Variants in EPHA10 observed in about 807,000 individuals in gnomAD.
EPHA10 encodes ephrin type-A receptor 10.
Under a neutral mutation model 109.7 loss-of-function variants are expected in EPHA10, and 120 were observed. The observed-to-expected ratio is 1.09, with a 90% CI of 0.94 to 1.27. The LOEUF is 1.27. Among genes scored for constraint, EPHA10 ranks in the 50% most tolerant of loss-of-function variants. EPHA10 has a pLI of 0.00. For synonymous variants in EPHA10, 640 were observed against 618.9 expected (o/e 1.03, Z -0.51); for missense variants, 1,396 against 1,411.1 (o/e 0.99, Z 0.17).
rs1557524997 is a variant in EPHA10 at position 37,717,187 on chromosome 1, G to A, written c.*1185C>T. ...CCCACCATTCCCGGGGGCCCTTGTG[G>A]ATAAGGAACTCCACGGTGGGCTCAG... is the stretch of plus-strand genomic sequence containing the variant. On this transcript the variant is annotated 3_prime_UTR_variant, in exon 17 of 17. Transcript: ENST00000373048. 4.3e-6 allele frequency: 1 copy of A among 232,862 alleles called. No homozygotes were observed. The highest frequency in any genetic ancestry group is 8.5e-6 in the Non-Finnish European group (1 of 117,872). The allele number at this position is 232,862 out of a possible 1,614,324, so 14.4% of individuals were successfully genotyped here.
chr1:37,755,326 A>G (rs1196827361), intron 3 of EPHA10, among the ~76,000 whole-genome samples: 1 of 127,572 alleles, frequency 7.8e-6, no homozygotes, highest in African/African-American at 2.8e-5. Context: ...ACAAGCATAC[A>G]TGCACACACA....
Position 37,716,127 on chromosome 1 carries a change from GT to G in EPHA10, c.*2244del, listed in dbSNP as rs1427266967. ...CAGGCCACCTCTGTCCAGTGAACAA[GT>G]TCCATATAAAAATAGATCTGTAGAG... On this transcript the variant is annotated 3_prime_UTR_variant, in exon 17 of 17. Coordinates refer to ENST00000373048, the MANE Select transcript of EPHA10 (RefSeq NM_001099439.2). 2.3e-6 allele frequency: 1 copy of G among 436,156 alleles called. No homozygotes were observed. The highest frequency in any genetic ancestry group is 4.3e-6 in the Non-Finnish European group (1 of 230,758). 27.0% of individuals were successfully genotyped at this position (436,156 alleles called of 1,614,324 possible).
At position 37,762,189 on chromosome 1, in the gene EPHA10, C is replaced by T. The variant is rs549208743; in HGVS notation, c.172-106G>A. The T allele has an allele frequency of 1.1e-4, 117 of 1,090,302 alleles. 2 individuals are homozygous for T. In the South Asian group the frequency reaches 1.8e-3, roughly 17 times the overall value. The allele number at this position is 1,090,302 out of a possible 1,614,324, so 67.5% of individuals were successfully genotyped here. ...TCTCTCTCATGCACCATGCACACCC[C>T]GGAAATTGTAAGATGCAGCGCTGGG... is the stretch of plus-strand genomic sequence containing the variant. On this transcript the variant is annotated intron_variant, in intron 2 of 16. Coordinates refer to ENST00000373048, the MANE Select transcript of EPHA10 (RefSeq NM_001099439.2).
Position 37,753,184 on chromosome 1 carries a change from C to A in EPHA10, c.1049G>T (p.Arg350Leu). The A allele has an allele frequency of 7.2e-7, 1 of 1,385,686 alleles. No individual in the cohort carries two copies. The highest frequency in any genetic ancestry group is 1.6e-5 in the South Asian group (1 of 64,462). The allele number at this position is 1,385,686 out of a possible 1,614,324, so 85.8% of individuals were successfully genotyped here. ...APRDLQYSLS[R>L]SPLVLRLRWL... is the part of the protein sequence containing the mutation. ...GCGCAGTCGCAGCACCAGCGGCGAGCGGCTCAGGCTGTACTGCAGGTCCCG... is the reference window on the plus strand; with the variant it reads ...GCGCAGTCGCAGCACCAGCGGCGAGAGGCTCAGGCTGTACTGCAGGTCCCG... The change falls in exon 5 of 17, where the codon CGC (arginine) becomes CTC (leucine). Residue 350 changes from arginine (R) to leucine (L), a missense_variant. Coordinates refer to ENST00000373048, the MANE Select transcript of EPHA10 (RefSeq NM_001099439.2).
chr1:37,763,101 A>C (rs1335549516), intron 1 of EPHA10, among the ~76,000 whole-genome samples: 1 of 152,126 alleles, frequency 6.6e-6, no homozygotes, highest in African/African-American at 2.4e-5. Context: ...TATTACCACA[A>C]ATTTAGTGGC....
At chr1:37,740,495 C>G (rs7555645) in intron 5 of EPHA10, among the ~76,000 whole-genome samples, 1 of 151,938 alleles carries the variant, frequency 6.6e-6, no homozygotes, top group Non-Finnish European at 1.5e-5. Flanking sequence ...TTAGTAGAGA[C>G]GGGGTTTCAC....
At chr1:37,738,956 T>C (rs143814517) in intron 5 of EPHA10, among the ~76,000 whole-genome samples, 2 of 152,046 alleles carry the variant, frequency 1.3e-5, no homozygotes, top group African/African-American at 4.8e-5. Flanking sequence ...TACAATGAGA[T>C]CACTTGGACA....
chr1:37,735,468 C>G (rs1053693622), intron 5 of EPHA10, 78 bp from the exon 6 acceptor site: 1 of 1,497,024 alleles, frequency 6.7e-7, no homozygotes, highest in Admixed American at 2.1e-5. Context: ...GAGGGTGCGG[C>G]GTGCGGGGCT....
intron 5 of EPHA10, among the ~76,000 whole-genome samples, chr1:37,743,586 G>C (rs757995159): frequency 1.3e-5 from 2 of 152,190 alleles, no homozygotes; most frequent in African/African-American, 4.8e-5. Flanking sequence ...ACTCGTGATG[G>C]TTTAACTGAT....
intron 5 of EPHA10, among the ~76,000 whole-genome samples, chr1:37,741,383 T>C (rs1646150811): frequency 6.6e-6 from 1 of 152,120 alleles, no homozygotes; most frequent in Non-Finnish European, 1.5e-5. Flanking sequence ...CAGATAGTAA[T>C]AAAGCAAGAA....
In EPHA10 at chr1:37,752,884, C is replaced by A. The variant is rs768870093; in HGVS notation, c.1349G>T (p.Gly450Val). Residue 450 changes from glycine to valine, a missense_variant, in exon 5 of 17, where the codon GGG (glycine) becomes GTG (valine). Coordinates refer to ENST00000373048, the MANE Select transcript of EPHA10 (RefSeq NM_001099439.2). ...GGCGCGGACGGCCTTACCCCCGGGC[C>A]CGGTGGAGACGGTGACCTGCGCGTA... ...TTYAQVTVST[G>V]PGAPWEEDEI... 8.0e-5 allele frequency: 104 copies of A among 1,296,214 alleles called. No homozygotes were observed. The highest frequency in any genetic ancestry group is 1.0e-4 in the Non-Finnish European group (104 of 1,026,000). 80.3% of individuals were successfully genotyped at this position (1,296,214 alleles called of 1,614,324 possible). A position where few individuals can be genotyped will look rare whatever the true frequency, so the allele number is the denominator to read the frequency against.
At chr1:37,727,252 G>T (rs1461735386) in intron 7 of EPHA10, 42 bp from the exon 8 acceptor site, 3 of 1,522,298 alleles carry the variant, frequency 2.0e-6, no homozygotes, top group Non-Finnish European at 1.8e-6. Flanking sequence ...AGAGGACCAG[G>T]CTCCTAGGCA....
At chr1:37,742,759 G>A (rs1360979544) in intron 5 of EPHA10, among the ~76,000 whole-genome samples, 1 of 152,108 alleles carries the variant, frequency 6.6e-6, no homozygotes. Context: ...GCATAGATGG[G>A]GGTCTTGCTT....
rs1395776806 is a variant in EPHA10, at chr1:37,720,019, G to A, written c.2452C>T (p.Leu818Phe). ...SPALWAAPETLQFGHFSSASD... is the reference protein window; with the variant it reads ...SPALWAAPETFQFGHFSSASD... ...GCAGAGCTGAAGTGGCCAAACTGAA[G>A]TGTCTCGGGAGCGGCCCATAGCGCT... The change falls in exon 14 of 17, where the codon CTT (leucine) becomes TTT (phenylalanine). Residue 818 changes from leucine to phenylalanine, a missense_variant. By Grantham distance (22) the Leu-to-Phe change is conservative (BLOSUM62 0). Coordinates refer to ENST00000373048, the MANE Select transcript of EPHA10 (RefSeq NM_001099439.2). 1.2e-5 allele frequency: 20 copies of A among 1,613,790 alleles called. No homozygotes were observed. Among genetic ancestry groups the A allele is most frequent in the Non-Finnish European group, 1.4e-5 (17 of 1,180,036 alleles).
intron 7 of EPHA10, among the ~76,000 whole-genome samples, chr1:37,727,512 G>C (rs1306169817): frequency 6.6e-6 from 1 of 152,174 alleles, no homozygotes; most frequent in Non-Finnish European, 1.5e-5. Context: ...AGCAGTGAGG[G>C]ACTCAAAGTT....
chr1:37,747,390 A>G lies in EPHA10; in HGVS notation c.1357+5486T>C, dbSNP rs183111479. On this transcript the variant is annotated intron_variant, in intron 5 of 16. Transcript: ENST00000373048. ...ACATAGTGAGACCCCCATCTCTACAAAAAACACAACATTAGCCAGGCGTAG... is the reference window on the plus strand; with the variant it reads ...ACATAGTGAGACCCCCATCTCTACAGAAAACACAACATTAGCCAGGCGTAG... 1.8e-3 allele frequency among the ~76,000 whole-genome samples: 274 copies of G among 152,142 alleles called. 4 individuals carry two copies. In the East Asian group the frequency reaches 0.026, roughly 15 times the overall value.
chr1:37,752,788 G>A, intron 5 of EPHA10, 88 bp downstream of exon 5: 1 of 794,736 alleles, frequency 1.3e-6, no homozygotes, highest in African/African-American at 2.0e-5. Flanking sequence ...GGTGGGTGGG[G>A]CTCCCGCAGG....
At chr1:37,740,585 G>T (rs190078621) in intron 5 of EPHA10, among the ~76,000 whole-genome samples, 542 of 152,258 alleles carry the variant, frequency 3.6e-3, no homozygotes, top group Non-Finnish European at 6.0e-3. Context: ...GATTACGGGC[G>T]TGAGCCACCG....
At chr1:37,720,876 G>C (rs947588542) in intron 11 of EPHA10, 32 bp from the exon 12 acceptor site, 37 of 1,611,108 alleles carry the variant, frequency 2.3e-5, no homozygotes, top group Non-Finnish European at 3.1e-5. Context: ...CACATGCTAA[G>C]TTGTCCACTC....
Sources: gnomAD v4.1 joint callset for allele counts (sites outside exome capture counted in the v4.1 genomes callset) on GRCh38, gnomAD v4.1.1 for gene constraint, MANE v1.5 for transcripts, NCBI Gene and HGNC (gene_info 2026-07-23, HGNC 2026-07-21) for gene names.